PKIB: variants seen among roughly 807,000 people sequenced by gnomAD.
PKIB encodes cAMP-dependent protein kinase inhibitor beta, also known as PKI-beta.
In PKIB, 2 loss-of-function variants were observed where a neutral mutation model predicts 4.5. The ratio of observed to expected loss-of-function variants is 0.44; its 90% CI spans 0.18 to 1.39. PKIB has a LOEUF of 1.39. Ranked by LOEUF, PKIB falls within the 40% of genes most tolerant of loss-of-function variation. The pLI, the probability that PKIB is intolerant of heterozygous loss-of-function variation, is 0.27. For synonymous variants in PKIB, 38 were observed against 36.0 expected, an observed-to-expected ratio of 1.06 and a Z score of -0.20; for missense variants, 94 against 92.6, an observed-to-expected ratio of 1.02 and a Z score of -0.06.
chr6:122,562,943 C>T (rs1773077111), intron 2 of PKIB, among the ~76,000 whole-genome samples: 1 of 151,926 alleles, frequency 6.6e-6, no homozygotes, highest in South Asian at 2.1e-4. Flanking sequence ...AATAACTAAC[C>T]TCCTGGATTC....
chr6:122,653,913 G>A (rs1371882990), intron 2 of PKIB, among the ~76,000 whole-genome samples: 2 of 152,116 alleles, frequency 1.3e-5, no homozygotes, highest in Non-Finnish European at 2.9e-5. Flanking sequence ...AGCGGAGATC[G>A]CGCCATTACA....
Position 122,506,031 on chromosome 6 carries a change from C to G in PKIB, c.-248+28092C>G, listed in dbSNP as rs1562232625. ...GTGACTGCAATAAGGCCCATAATGA[C>G]TGTTATAAGGCTAAAAATAAATCTT... On this transcript the variant is annotated intron_variant, in intron 2 of 6. Transcript: ENST00000392491. Among the ~76,000 whole-genome samples, 3 of 152,102 alleles carry G rather than the reference C, an allele frequency of 2.0e-5. No individual in the cohort carries two copies. The South Asian group carries it at 6.2e-4, about 31-fold the overall frequency.
At chr6:122,662,849 A>G (rs1405343058) in intron 2 of PKIB, among the ~76,000 whole-genome samples, 2 of 152,208 alleles carry the variant, frequency 1.3e-5, no homozygotes, top group Non-Finnish European at 2.9e-5. Context: ...TAGCGGAGCT[A>G]GCAAGACTCA....
At chr6:122,577,860 G>C (rs1190726888) in intron 2 of PKIB, among the ~76,000 whole-genome samples, 62 of 148,600 alleles carry the variant, frequency 4.2e-4, no homozygotes, top group African/African-American at 1.5e-3. Context: ...AGTGAGCTGA[G>C]ATCACGCCAC....
At chr6:122,686,767 G>A (rs1778107791) in intron 3 of PKIB, among the ~76,000 whole-genome samples, 1 of 152,048 alleles carries the variant, frequency 6.6e-6, no homozygotes, top group African/African-American at 2.4e-5. Flanking sequence ...GGGATTACAG[G>A]TGTGAGGCAC....
chr6:122,663,669 C>G (rs1777103420), intron 2 of PKIB, among the ~76,000 whole-genome samples: 1 of 152,162 alleles, frequency 6.6e-6, no homozygotes, highest in South Asian at 2.1e-4. Flanking sequence ...GTGTGTCTGT[C>G]TTTACGTTGT....
At chr6:122,565,070 T>C (rs1773144966) in intron 2 of PKIB, among the ~76,000 whole-genome samples, 1 of 152,218 alleles carries the variant, frequency 6.6e-6, no homozygotes, top group South Asian at 2.1e-4. Flanking sequence ...TTTAGCTTAA[T>C]GGTTTGTAAG....
At chr6:122,685,018 T>C (rs2114983783) in intron 3 of PKIB, among the ~76,000 whole-genome samples, 1 of 152,296 alleles carries the variant, frequency 6.6e-6, no homozygotes, top group South Asian at 2.1e-4. Flanking sequence ...AGAAAACACA[T>C]TTATTAATTT....
chr6:122,632,717 C>G (rs1312764899), intron 1 of PKIB, among the ~76,000 whole-genome samples: 2 of 152,102 alleles, frequency 1.3e-5, no homozygotes, highest in African/African-American at 4.8e-5. Context: ...TCCAAAAATT[C>G]CAATCACTAG....
chr6:122,542,633 G>A (rs1366463036), intron 2 of PKIB, among the ~76,000 whole-genome samples: 1 of 152,114 alleles, frequency 6.6e-6, no homozygotes, highest in Non-Finnish European at 1.5e-5. Context: ...CCCTACTGGG[G>A]GGTGCCTCCC....
At chr6:122,625,831 G>C (rs1201562638) in intron 1 of PKIB, among the ~76,000 whole-genome samples, 1 of 151,952 alleles carries the variant, frequency 6.6e-6, no homozygotes, top group Non-Finnish European at 1.5e-5. Context: ...CACTTTGGGA[G>C]GCCTAGGCAG....
intron 3 of PKIB, among the ~76,000 whole-genome samples, chr6:122,685,768 C>A (rs9388112): frequency 6.6e-6 from 1 of 151,688 alleles, no homozygotes; most frequent in Non-Finnish European, 1.5e-5. Flanking sequence ...TTTTTTGTAC[C>A]CATTAACCAT....
intron 2 of PKIB, among the ~76,000 whole-genome samples, chr6:122,556,176 T>A (rs1471293890): frequency 2.0e-5 from 3 of 152,192 alleles, no homozygotes; most frequent in Non-Finnish European, 4.4e-5. Context: ...GGGCTTTTCC[T>A]GCCTTTGCTC....
chr6:122,651,014 A>G (rs2114878332), intron 2 of PKIB, among the ~76,000 whole-genome samples: 1 of 152,246 alleles, frequency 6.6e-6, no homozygotes, highest in South Asian at 2.1e-4. Context: ...GCTTAGTGGG[A>G]TGATATCAAT....
At position 122,472,283 on chromosome 6, in the gene PKIB, G is replaced by T. The variant is rs568805750; in HGVS notation, c.-337+242G>T. Reference sequence around the variant, plus strand: ...ACGTATTCCTGCAGCCCGCTGCCCGGAACAAGTTTTATTGGGATATTTATA... The same window carrying T: ...ACGTATTCCTGCAGCCCGCTGCCCGTAACAAGTTTTATTGGGATATTTATA... On this transcript the variant is annotated intron_variant, in intron 1 of 6. Coordinates refer to the PKIB transcript ENST00000392491. Among the ~76,000 whole-genome samples the T allele has an allele frequency of 3.9e-5, 6 of 152,314 alleles. No individual in the cohort carries two copies. The East Asian group carries it at 1.2e-3, about 29-fold the overall frequency.
intron 2 of PKIB, among the ~76,000 whole-genome samples, chr6:122,584,741 T>A (rs1434594657): frequency 6.6e-6 from 1 of 152,106 alleles, no homozygotes; most frequent in Non-Finnish European, 1.5e-5. Flanking sequence ...GAATTGTCTG[T>A]TTAATTTACT....
At chr6:122,621,961 C>T (rs1230059131) in intron 1 of PKIB, among the ~76,000 whole-genome samples, 1 of 151,746 alleles carries the variant, frequency 6.6e-6, no homozygotes, top group Non-Finnish European at 1.5e-5. Context: ...TCGGTGGTTG[C>T]CTTCTAAGAA....
At chr6:122,512,780 T>C (rs552326516) in intron 2 of PKIB, among the ~76,000 whole-genome samples, 1 of 152,374 alleles carries the variant, frequency 6.6e-6, no homozygotes, top group East Asian at 1.9e-4. Context: ...AAGACAGCTA[T>C]GTGTTTAAAG....
rs141744259 is a variant in PKIB, at chr6:122,649,808, G to A, written c.-76+16441G>A. Among the ~76,000 whole-genome samples, 187 of 152,260 alleles carry A rather than the reference G, an allele frequency of 1.2e-3. 3 individuals are homozygous for A. The East Asian group carries it at 0.02, about 17-fold the overall frequency. The stretch of plus-strand genomic sequence containing the variant: ...GAAGAGTAGCTGTCTTCAGAAGATG[G>A]CAGGGTTTTGGAACAAAGCCTCAGA... On this transcript the variant is annotated intron_variant, in intron 2 of 4. Coordinates refer to ENST00000368452, the MANE Select transcript of PKIB (RefSeq NM_181795.3).
Sources: gnomAD v4.1 joint callset for allele counts (sites outside exome capture counted in the v4.1 genomes callset) on GRCh38, gnomAD v4.1.1 for gene constraint, MANE v1.5 for transcripts, NCBI Gene and HGNC (gene_info 2026-07-23, HGNC 2026-07-21) for gene names.